The following RNF2 variants were observed in gnomAD, a reference collection of about 807,000 sequenced individuals.
RNF2 encodes E3 ubiquitin-protein ligase RING2.
RNF2 carries 6 observed loss-of-function variants against 37.2 expected under a neutral mutation model. The ratio of observed to expected loss-of-function variants is 0.16; its 90% confidence interval spans 0.09 to 0.32. The LOEUF (loss-of-function observed/expected upper bound fraction) is 0.32. Among genes scored for constraint, RNF2 ranks in the 10% least tolerant of loss-of-function variants. The pLI, the probability that RNF2 is intolerant of heterozygous loss-of-function variation, is 1.00. For synonymous variants in RNF2, 133 were observed against 132.7 expected (o/e 1.00, Z -0.02); for missense variants, 251 against 404.0 (o/e 0.62, Z 3.25).
At chr1:185,081,143 T>G (rs1651337505) in intron 1 of RNF2, among the ~76,000 whole-genome samples, 1 of 152,220 alleles carries the variant, frequency 6.6e-6, no homozygotes, top group African/African-American at 2.4e-5. Context: ...AAACACATCT[T>G]TATTAATCAA....
At chr1:185,093,393 C>T in intron 4 of RNF2, 117 bp downstream of exon 4, 1 of 861,236 alleles carries the variant, frequency 1.2e-6, no homozygotes, top group Non-Finnish European at 1.8e-6. Flanking sequence ...TGCATGATTA[C>T]CTTTCGTGCA....
intron 1 of RNF2, among the ~76,000 whole-genome samples, chr1:185,079,170 C>G (rs1291258374): frequency 1.3e-5 from 2 of 148,706 alleles, no homozygotes; most frequent in African/African-American, 2.5e-5. Flanking sequence ...TTTATACATT[C>G]TCTCCACAAA....
rs117932816 is a variant in RNF2, at chr1:185,085,592, G to T, written c.-2-1960G>T. ...TGATTTTATTGTTAGTTGCTTTCTA[G>T]TCTTCTACCTTCTATACTACTTGAG... On this transcript the variant is annotated intron_variant, in intron 1 of 6. Transcript: ENST00000367510. Among the ~76,000 whole-genome samples the T allele has an allele frequency of 5.5e-3, 831 of 151,768 alleles. 32 individuals are homozygous for T. The East Asian group carries it at 0.084, about 15-fold the overall frequency.
intron 1 of RNF2, among the ~76,000 whole-genome samples, chr1:185,061,434 A>G (rs1028497670): frequency 2.0e-5 from 3 of 151,856 alleles, no homozygotes; most frequent in Non-Finnish European, 4.4e-5. Flanking sequence ...CCACCAAACA[A>G]AAAAAAACAC....
chr1:185,076,054 T>C (rs1026320383), intron 1 of RNF2, among the ~76,000 whole-genome samples: 3 of 152,056 alleles, frequency 2.0e-5, no homozygotes, highest in African/African-American at 7.2e-5. Flanking sequence ...GTACTCAGTA[T>C]ATATTATCGT....
intron 1 of RNF2, among the ~76,000 whole-genome samples, chr1:185,082,109 G>A (rs1651429722): frequency 6.6e-6 from 1 of 152,092 alleles, no homozygotes; most frequent in African/African-American, 2.4e-5. Context: ...ACTTAAAAAT[G>A]GCGATATTTT....
chr1:185,065,042 C>G (rs144621180), intron 1 of RNF2, among the ~76,000 whole-genome samples: 1 of 152,034 alleles, frequency 6.6e-6, no homozygotes, highest in Non-Finnish European at 1.5e-5. Context: ...ACTTCTGGGT[C>G]GGGTGGGGAC....
intron 1 of RNF2, among the ~76,000 whole-genome samples, chr1:185,050,808 A>G (rs574544621): frequency 8.7e-4 from 133 of 152,314 alleles, no homozygotes; most frequent in Middle Eastern, 3.4e-3. Flanking sequence ...AGAGCCAGCA[A>G]TTTTGACAGG....
At chr1:185,058,013 TA>T (rs1650486342) in intron 1 of RNF2, among the ~76,000 whole-genome samples, 1 of 152,098 alleles carries the variant, frequency 6.6e-6, no homozygotes, top group South Asian at 2.1e-4. Context: ...TAGTCTCAGT[TA>T]CTCAGGAGGT....
chr1:185,065,922 G>T (rs969486628), intron 1 of RNF2, among the ~76,000 whole-genome samples: 1 of 150,226 alleles, frequency 6.7e-6, no homozygotes, highest in African/African-American at 2.5e-5. Flanking sequence ...TTGAATAGAA[G>T]TGATAAAAAT....
chr1:185,086,688 T>C (rs539572819), intron 1 of RNF2, among the ~76,000 whole-genome samples: 2 of 152,316 alleles, frequency 1.3e-5, no homozygotes, highest in South Asian at 4.1e-4. Context: ...AGGTAGCAGT[T>C]TGGGTCTCAA....
intron 4 of RNF2, among the ~76,000 whole-genome samples, chr1:185,094,388 G>C (rs903612731): frequency 1.3e-5 from 2 of 152,070 alleles, no homozygotes; most frequent in Non-Finnish European, 1.5e-5. Context: ...TGATCTGCCT[G>C]CCTCGGCCTC....
At chr1:185,088,207 G>C (rs1651657935) in intron 2 of RNF2, among the ~76,000 whole-genome samples, 1 of 152,182 alleles carries the variant, frequency 6.6e-6, no homozygotes, top group Non-Finnish European at 1.5e-5. Context: ...CCAGAGAGAT[G>C]AGCAGAGGAC....
chr1:185,048,240 A>T (rs565032874), intron 1 of RNF2, among the ~76,000 whole-genome samples: 1 of 152,256 alleles, frequency 6.6e-6, no homozygotes, highest in South Asian at 2.1e-4. Context: ...AGGTGCTAAG[A>T]GCGTAGGTGT....
At chr1:185,062,815 C>T (rs1036914981) in intron 1 of RNF2, among the ~76,000 whole-genome samples, 3 of 149,654 alleles carry the variant, frequency 2.0e-5, no homozygotes, top group African/African-American at 7.4e-5. Context: ...AGACCTCCCC[C>T]CCCCCAAAAA....
chr1:185,093,017 G>A, intron 3 of RNF2, 44 bp from the exon 4 acceptor site: 1 of 1,564,436 alleles, frequency 6.4e-7, no homozygotes, highest in Non-Finnish European at 8.8e-7. Flanking sequence ...TTAGCCCAAA[G>A]ATACTAGCAT....
At chr1:185,067,928 C>G (rs1650848428) in intron 1 of RNF2, among the ~76,000 whole-genome samples, 1 of 150,766 alleles carries the variant, frequency 6.6e-6, no homozygotes, top group Non-Finnish European at 1.5e-5. Context: ...CCAGGATGGT[C>G]TTGAGCTCTT....
intron 4 of RNF2, among the ~76,000 whole-genome samples, chr1:185,096,381 G>A (rs1048700524): frequency 2.6e-5 from 4 of 151,882 alleles, no homozygotes; most frequent in Non-Finnish European, 5.9e-5. Flanking sequence ...ACAATGTTGT[G>A]CAGCCAATCT....
chr1:185,083,967 G>T (rs1379578096), intron 1 of RNF2, among the ~76,000 whole-genome samples: 1 of 148,260 alleles, frequency 6.7e-6, no homozygotes, highest in Non-Finnish European at 1.5e-5. Flanking sequence ...TTAGGGGTGG[G>T]ATCTCACTCT....
Sources: allele counts gnomAD v4.1 joint callset (sites outside exome capture counted in the v4.1 genomes callset), GRCh38; gene constraint gnomAD v4.1.1; transcripts MANE v1.5; gene names NCBI Gene and HGNC (gene_info 2026-07-23, HGNC 2026-07-21).